MBP: variants seen among roughly 807,000 people sequenced by gnomAD.
MBP encodes the protein myelin basic protein.
MBP carries 16 observed loss-of-function variants against 35.8 expected under a neutral mutation model. The observed-to-expected ratio is 0.45, with a 90% CI of 0.30 to 0.68. The LOEUF (loss-of-function observed/expected upper bound fraction) is 0.68, where lower values mean the gene tolerates loss of function less well. MBP is among the 30% of genes least tolerant of loss of function. The pLI, the probability that MBP is intolerant of heterozygous loss-of-function variation, is 0.08. For missense variants in MBP, 380 were observed against 404.7 expected, an observed-to-expected ratio of 0.94 and a Z score of 0.52; for synonymous variants, 143 against 159.6, an observed-to-expected ratio of 0.90 and a Z score of 0.78.
At chr18:77,055,076 G>A (rs1043113509) in intron 3 of MBP, among the ~76,000 whole-genome samples, 1 of 152,218 alleles carries the variant, frequency 6.6e-6, no homozygotes, top group East Asian at 1.9e-4. Flanking sequence ...GCAGTTAGAA[G>A]GGAACCTTCT....
chr18:77,017,682 T>A (rs1032743646), intron 3 of MBP: 2 of 161,402 alleles, frequency 1.2e-5, no homozygotes, highest in Non-Finnish European at 2.7e-5. Flanking sequence ...AAGGAGCATT[T>A]ATTTGACAAA....
chr18:76,985,429 T>A, intron 7 of MBP: 1 of 1,201,150 alleles, frequency 8.3e-7, no homozygotes, highest in Non-Finnish European at 1.1e-6. Context: ...TTCTAGGATC[T>A]GTCTGGGAGA....
chr18:77,043,845 A>G (rs1181178848), intron 3 of MBP, among the ~76,000 whole-genome samples: 1 of 151,952 alleles, frequency 6.6e-6, no homozygotes, highest in Non-Finnish European at 1.5e-5. Flanking sequence ...TGTTTCCACA[A>G]ATGCTACTCA....
chr18:76,984,766 G>T lies in MBP; in HGVS notation c.870+9C>A. On this transcript the variant is annotated intron_variant, in intron 8 of 8. Coordinates refer to ENST00000355994, the MANE Select transcript of MBP (RefSeq NM_001025101.2). ...CCCGCTCAGTGGAGCTGAGCAGAGG[G>T]TACCTTACCAGCTTAAAAATTTTGG... 1 of 1,613,878 alleles carries T rather than the reference G, an allele frequency of 6.2e-7. No individual in the cohort carries two copies. Among genetic ancestry groups the T allele is most frequent in the Non-Finnish European group, 8.5e-7 (1 of 1,180,000 alleles).
At chr18:77,009,836 G>A (rs797016279) in intron 4 of MBP, 19 of 1,568,324 alleles carry the variant, frequency 1.2e-5, no homozygotes, top group African/African-American at 1.1e-4. Flanking sequence ...GTGAGGACCC[G>A]CCGGCGTCTT....
At chr18:76,998,379 C>T (rs1970442662) in intron 4 of MBP, among the ~76,000 whole-genome samples, 1 of 152,196 alleles carries the variant, frequency 6.6e-6, no homozygotes, top group African/African-American at 2.4e-5. Flanking sequence ...TCCACGGCAC[C>T]GTATGCGCGG....
At chr18:77,107,017 G>C (rs968922388) in intron 1 of MBP, among the ~76,000 whole-genome samples, 1 of 152,162 alleles carries the variant, frequency 6.6e-6, no homozygotes, top group Non-Finnish European at 1.5e-5. Context: ...TCCTTGTGAG[G>C]TGTCGTTTGA....
intron 3 of MBP, among the ~76,000 whole-genome samples, chr18:77,038,426 A>G (rs901634535): frequency 6.6e-6 from 1 of 152,216 alleles, no homozygotes; most frequent in African/African-American, 2.4e-5. Context: ...AGTTTACACA[A>G]CAGGGACCCA....
intron 4 of MBP, chr18:77,014,446 G>A (rs866168201): frequency 1.1e-5 from 11 of 985,340 alleles, no homozygotes; most frequent in South Asian, 4.7e-5. Context: ...GGGGCAGGCC[G>A]CCGTGGTCCT....
At chr18:77,037,427 G>A (rs1186462508) in intron 3 of MBP, among the ~76,000 whole-genome samples, 1 of 152,232 alleles carries the variant, frequency 6.6e-6, no homozygotes, top group East Asian at 1.9e-4. Context: ...GTATGTCCAG[G>A]TTTGGGGACA....
At chr18:76,987,031 G>GA in intron 7 of MBP, 5 of 985,346 alleles carry the variant, frequency 5.1e-6, no homozygotes, top group South Asian at 4.7e-5. Context: ...TTTTGCTTTG[G>GA]AAAAAAGAGA....
rs75553114 is a variant in MBP at position 77,128,667 on chromosome 18, A to T, written c.-26+3913T>A. 1.5e-3 allele frequency among the ~76,000 whole-genome samples: 225 copies of T among 152,288 alleles called. 2 individuals carry two copies. Among genetic ancestry groups the T allele is most frequent in the Middle Eastern group, 6.8e-3 (2 of 294 alleles). ...TGGCATTGTACTATGGTTTTGTAAG[A>T]TGTTATTGTTGGGAGAAACTGGTGA... On this transcript the variant is annotated intron_variant, in intron 1 of 8. Transcript: ENST00000355994.
chr18:77,059,711 A>C (rs1391282226), intron 3 of MBP, among the ~76,000 whole-genome samples: 1 of 152,170 alleles, frequency 6.6e-6, no homozygotes, highest in African/African-American at 2.4e-5. Flanking sequence ...CTTCAGTGCT[A>C]AGTGCTTCCA....
At chr18:77,030,492 G>C (rs1420911944) in intron 3 of MBP, among the ~76,000 whole-genome samples, 1 of 152,142 alleles carries the variant, frequency 6.6e-6, no homozygotes, top group Non-Finnish European at 1.5e-5. Context: ...CTGTGGTACC[G>C]GTACATGGAA....
chr18:77,104,219 A>T (rs928771726), intron 2 of MBP, among the ~76,000 whole-genome samples: 1 of 152,246 alleles, frequency 6.6e-6, no homozygotes, highest in Non-Finnish European at 1.5e-5. Flanking sequence ...CAGCCAAAGT[A>T]CAAGACACAT....
chr18:77,020,808 G>A lies in MBP; in HGVS notation c.140-3540C>T, dbSNP rs1244727959. On this transcript the variant is annotated intron_variant, in intron 3 of 8. Transcript: ENST00000355994. The surrounding 1 kb of genome is among the most constrained non-coding windows in gnomAD (Gnocchi z 4.1). ...GTGGGTGGGAGCACTCTGGAAACCC[G>A]CATTCCCAGACCACACCCCGGGACC... is the stretch of plus-strand genomic sequence containing the variant. Among the ~76,000 whole-genome samples the A allele has an allele frequency of 1.3e-5, 2 of 152,180 alleles. No homozygotes were observed. Among genetic ancestry groups the A allele is most frequent in the Non-Finnish European group, 1.5e-5 (1 of 68,034 alleles).
At chr18:77,111,213 C>G (rs1219242193) in intron 1 of MBP, among the ~76,000 whole-genome samples, 1 of 152,170 alleles carries the variant, frequency 6.6e-6, no homozygotes, top group Non-Finnish European at 1.5e-5. Context: ...CACCGAGGAG[C>G]CCAGTGCTCA....
chr18:77,062,912 C>G (rs1599167566), intron 3 of MBP, among the ~76,000 whole-genome samples: 1 of 152,200 alleles, frequency 6.6e-6, no homozygotes, highest in African/African-American at 2.4e-5. Context: ...AGGATGATGG[C>G]TTTCTGCCCA....
At chr18:77,080,094 C>T (rs757272376) in intron 2 of MBP, among the ~76,000 whole-genome samples, 7 of 152,190 alleles carry the variant, frequency 4.6e-5, no homozygotes, top group Non-Finnish European at 1.0e-4. Context: ...TGTGTGTGTG[C>T]TGTCATAAAA....
Sources: gnomAD v4.1 joint callset for allele counts (sites outside exome capture counted in the v4.1 genomes callset) on GRCh38, gnomAD v4.1.1 for gene constraint, Gnocchi (gnomAD v3.1) non-coding constraint, MANE v1.5 for transcripts, NCBI Gene and HGNC (gene_info 2026-07-23, HGNC 2026-07-21) for gene names.